Variants in NCOA1 observed in about 807,000 individuals in gnomAD.
NCOA1 encodes the protein Hin-2 protein.
NCOA1 carries 35 observed loss-of-function variants against 150.9 expected under a neutral mutation model. The observed-to-expected ratio is 0.23, with a 90% CI of 0.18 to 0.31. The LOEUF is 0.31. Among genes scored for constraint, NCOA1 ranks in the 10% least tolerant of loss-of-function variants. NCOA1 has a pLI of 1.00. For missense variants in NCOA1, 1,491 were observed against 1,749.3 expected (o/e 0.85, Z 2.63); for synonymous variants, 590 against 630.0 (o/e 0.94, Z 0.95).
intron 13 of NCOA1, among the ~76,000 whole-genome samples, chr2:24,709,282 A>G (rs1673616221): frequency 6.6e-6 from 1 of 152,200 alleles, no homozygotes; most frequent in Admixed American, 6.5e-5. Context: ...ATAATAAGAT[A>G]TGCATATGTC....
At chr2:24,719,148 A>G (rs530858071) in intron 14 of NCOA1, among the ~76,000 whole-genome samples, 8 of 152,148 alleles carry the variant, frequency 5.3e-5, no homozygotes, top group Admixed American at 2.6e-4. Flanking sequence ...AAGGAACTAT[A>G]ATACTATTAC....
At chr2:24,701,094 A>G (rs1018440289) in intron 11 of NCOA1, among the ~76,000 whole-genome samples, 3 of 152,170 alleles carry the variant, frequency 2.0e-5, no homozygotes, top group African/African-American at 7.2e-5. Context: ...GTCATGGGAA[A>G]TGTCAGGCTA....
intron 2 of NCOA1, chr2:24,564,702 TG>T (rs1666426716): frequency 6.6e-6 from 1 of 152,202 alleles, no homozygotes; most frequent in African/African-American, 2.4e-5. Context: ...GCTTTGCTTT[TG>T]AGATCAGGTG....
intron 21 of NCOA1, among the ~76,000 whole-genome samples, chr2:24,758,375 A>C (rs1002227457): frequency 6.8e-6 from 1 of 146,760 alleles, no homozygotes; most frequent in Non-Finnish European, 1.5e-5. Context: ...TTGTCACCCA[A>C]GCTGGAGTAC....
At chr2:24,494,783 A>C (rs1218687641) in intron 1 of NCOA1, among the ~76,000 whole-genome samples, 1 of 152,158 alleles carries the variant, frequency 6.6e-6, no homozygotes, top group Non-Finnish European at 1.5e-5. Flanking sequence ...GAACCGTATA[A>C]ATTTCTCCCT....
At chr2:24,550,065 C>T (rs986274906) in intron 1 of NCOA1, among the ~76,000 whole-genome samples, 2 of 152,204 alleles carry the variant, frequency 1.3e-5, no homozygotes, top group African/African-American at 4.8e-5. Context: ...ACTTCCTCCT[C>T]TCCATTTGAG....
chr2:24,717,086 A>G (rs1674084508), intron 14 of NCOA1, among the ~76,000 whole-genome samples: 1 of 152,218 alleles, frequency 6.6e-6, no homozygotes, highest in South Asian at 2.1e-4. Flanking sequence ...ATGTCATTAG[A>G]AAATTGCAAA....
Position 24,515,780 on chromosome 2 carries a change from G to A in NCOA1, c.-396+24178G>A, listed in dbSNP as rs146654733. 7.2e-5 allele frequency among the ~76,000 whole-genome samples: 11 copies of A among 152,268 alleles called. No individual in the cohort carries two copies. In the East Asian group the frequency reaches 1.3e-3, roughly 19 times the overall value. Reference sequence around the variant, plus strand: ...TAAAGTAAGCAATGACTACCTATACGTAATACTATCCCTAAACAAAAGCTA... The same window carrying A: ...TAAAGTAAGCAATGACTACCTATACATAATACTATCCCTAAACAAAAGCTA... On this transcript the variant is annotated intron_variant, in intron 1 of 22. Coordinates refer to ENST00000348332, the MANE Select transcript of NCOA1 (RefSeq NM_003743.5).
Position 24,564,534 on chromosome 2 carries a change from A to G in NCOA1, c.-260+104A>G, listed in dbSNP as rs148090729. The G allele has an allele frequency of 2.6e-5, 4 of 152,348 alleles. No homozygotes were observed. In the East Asian group the frequency reaches 7.7e-4, roughly 29 times the overall value. The allele number at this position is 152,348 out of a possible 1,614,324, so 9.4% of individuals were successfully genotyped here. On this transcript the variant is annotated intron_variant, in intron 2 of 22. Transcript: ENST00000348332. ...GTGAGTTTAAAAGTACTTATATGTT[A>G]GAATGCTTAGCTCTTAGAGAAGAGT...
intron 3 of NCOA1, among the ~76,000 whole-genome samples, chr2:24,636,174 GA>G (rs1295730615): frequency 3.3e-5 from 5 of 152,094 alleles, no homozygotes; most frequent in Non-Finnish European, 7.4e-5. Flanking sequence ...TCAAATATAT[GA>G]ATTAATCTGG....
intron 3 of NCOA1, among the ~76,000 whole-genome samples, chr2:24,588,667 G>A (rs1021076052): frequency 1.3e-5 from 2 of 152,086 alleles, no homozygotes; most frequent in Non-Finnish European, 1.5e-5. Context: ...TCACTCAGTC[G>A]TTTTGTGGCC....
chr2:24,558,599 G>A (rs1400750159), intron 1 of NCOA1, among the ~76,000 whole-genome samples: 1 of 152,160 alleles, frequency 6.6e-6, no homozygotes, highest in African/African-American at 2.4e-5. Context: ...ACAACATGGG[G>A]GAATTCTGGG....
At chr2:24,722,000 GTTTT>G (rs1674379575) in intron 14 of NCOA1, among the ~76,000 whole-genome samples, 1 of 152,054 alleles carries the variant, frequency 6.6e-6, no homozygotes, top group Admixed American at 6.6e-5. Flanking sequence ...TTTCAGTGGT[GTTTT>G]TGAAGAGAAA....
chr2:24,686,027 G>C (rs553214707), intron 8 of NCOA1, among the ~76,000 whole-genome samples: 1 of 152,124 alleles, frequency 6.6e-6, no homozygotes, highest in Non-Finnish European at 1.5e-5. Context: ...TTGAGACAGA[G>C]TTTCACTCTT....
chr2:24,515,142 A>G (rs1214710029), intron 1 of NCOA1, among the ~76,000 whole-genome samples: 2 of 152,240 alleles, frequency 1.3e-5, no homozygotes, highest in Non-Finnish European at 2.9e-5. Flanking sequence ...TGTTAAAAAC[A>G]TGTTTTGTAT....
At chr2:24,610,434 C>T (rs966540262) in intron 3 of NCOA1, among the ~76,000 whole-genome samples, 1 of 151,978 alleles carries the variant, frequency 6.6e-6, no homozygotes, top group Non-Finnish European at 1.5e-5. Flanking sequence ...AGCCACAGCG[C>T]CCAGCCTTTA....
At chr2:24,740,132 A>G (rs1295702856) in intron 18 of NCOA1, among the ~76,000 whole-genome samples, 2 of 152,224 alleles carry the variant, frequency 1.3e-5, no homozygotes, top group Non-Finnish European at 2.9e-5. Flanking sequence ...AAGTTGATGT[A>G]AAAATCTTGG....
Position 24,564,335 on chromosome 2 carries a change from G to C in NCOA1, c.-355G>C, listed in dbSNP as rs1481559290. The C allele has an allele frequency of 6.6e-6, 1 of 152,174 alleles. No homozygotes were observed. Among genetic ancestry groups the C allele is most frequent in the Non-Finnish European group, 1.5e-5 (1 of 68,048 alleles). The allele number at this position is 152,174 out of a possible 1,614,324, so 9.4% of individuals were successfully genotyped here. A position where few individuals can be genotyped will look rare whatever the true frequency, so the allele number is the denominator to read the frequency against. ...TGGAAATGTAACTGGAACTGACTCTGATGATAAAATCAAGGACCATCAAGC... is the reference window on the plus strand; with the variant it reads ...TGGAAATGTAACTGGAACTGACTCTCATGATAAAATCAAGGACCATCAAGC... On this transcript the variant is annotated 5_prime_UTR_variant, in exon 2 of 23. Coordinates refer to ENST00000348332, the MANE Select transcript of NCOA1 (RefSeq NM_003743.5).
Position 24,762,777 on chromosome 2 carries a change from G to T in NCOA1, c.4155+1G>T, listed in dbSNP as rs769235879. 1 of 1,612,548 alleles carries T rather than the reference G, an allele frequency of 6.2e-7. No individual in the cohort carries two copies. Among genetic ancestry groups the T allele is most frequent in the South Asian group, 1.1e-5 (1 of 91,040 alleles). On this transcript the variant is annotated splice_donor_variant, in intron 22 of 22. Coordinates refer to ENST00000348332, the MANE Select transcript of NCOA1 (RefSeq NM_003743.5). LOFTEE classifies it high-confidence loss of function. ...CAAAACAGAAGCAGATGGAACCCAG[G>T]TCAGTAAGGAAATTCTAAGCCCAGA... is the stretch of plus-strand genomic sequence containing the variant.
Sources: gnomAD v4.1 joint callset for allele counts (sites outside exome capture counted in the v4.1 genomes callset) on GRCh38, gnomAD v4.1.1 for gene constraint, MANE v1.5 for transcripts, NCBI Gene and HGNC (gene_info 2026-07-23, HGNC 2026-07-21) for gene names.